Variants in NRXN3 observed in about 807,000 individuals in gnomAD.
NRXN3 encodes the protein neurexin III.
NRXN3 carries 32 observed loss-of-function variants against 137.6 expected under a neutral mutation model. The observed-to-expected ratio is 0.23, with a 90% CI of 0.18 to 0.31. The LOEUF is 0.31. Ranked by LOEUF, NRXN3 falls within the 10% of genes least tolerant of loss-of-function variation. The pLI, the probability that NRXN3 is intolerant of heterozygous loss-of-function variation, is 1.00. For missense variants in NRXN3, 1,574 were observed against 2,062.5 expected, an observed-to-expected ratio of 0.76 and a Z score of 4.59; for synonymous variants, 798 against 784.5, an observed-to-expected ratio of 1.02 and a Z score of -0.29.
chr14:79,362,677 C>T (rs1174970732), intron 15 of NRXN3, among the ~76,000 whole-genome samples: 13 of 152,246 alleles, frequency 8.5e-5, no homozygotes, highest in South Asian at 6.2e-4. Flanking sequence ...GATTATGTGA[C>T]GCAGATGCCA....
chr14:78,310,466 C>A (rs768245530), intron 4 of NRXN3, among the ~76,000 whole-genome samples: 28 of 151,872 alleles, frequency 1.8e-4, no homozygotes, highest in Admixed American at 1.8e-3. Flanking sequence ...ACACCATTTG[C>A]CTGGGGCTAT....
intron 20 of NRXN3, among the ~76,000 whole-genome samples, chr14:79,821,915 A>T (rs553190026): frequency 2.6e-4 from 39 of 152,038 alleles, no homozygotes; most frequent in African/African-American, 8.9e-4. Context: ...ATATATTAAG[A>T]TTTTTTTTAT....
intron 1 of NRXN3, among the ~76,000 whole-genome samples, chr14:78,182,087 TAG>T (rs773414677): frequency 7.6e-6 from 1 of 131,872 alleles, no homozygotes; most frequent in Admixed American, 8.0e-5. Context: ...CACTGAGAAT[TAG>T]AGAGACCTAA....
At chr14:78,347,208 G>C (rs2082863376) in intron 4 of NRXN3, among the ~76,000 whole-genome samples, 1 of 152,192 alleles carries the variant, frequency 6.6e-6, no homozygotes, top group South Asian at 2.1e-4. Flanking sequence ...ATGTTTTATG[G>C]GGACAATTTA....
intron 1 of NRXN3, among the ~76,000 whole-genome samples, chr14:78,189,266 G>T (rs117234099): frequency 0.013 from 1,919 of 152,242 alleles, 14 homozygotes; most frequent in Non-Finnish European, 0.021. Flanking sequence ...CTGTGCTCCT[G>T]CTCCCACTCT....
intron 15 of NRXN3, among the ~76,000 whole-genome samples, chr14:79,130,095 T>C (rs1370699080): frequency 1.3e-5 from 2 of 151,920 alleles, no homozygotes; most frequent in Non-Finnish European, 2.9e-5. Flanking sequence ...ATGGGTTTCC[T>C]GAATACAGCA....
chr14:78,337,987 G>A (rs1481194112), intron 4 of NRXN3, among the ~76,000 whole-genome samples: 1 of 152,130 alleles, frequency 6.6e-6, no homozygotes, highest in African/African-American at 2.4e-5. Flanking sequence ...AAGGTGGGCT[G>A]GAGGTACATG....
intron 20 of NRXN3, among the ~76,000 whole-genome samples, chr14:79,852,181 C>T (rs577405997): frequency 6.5e-4 from 96 of 146,694 alleles, no homozygotes; most frequent in Non-Finnish European, 1.0e-3. Context: ...ACTCATGAAC[C>T]CATATGTATT....
rs559683795 is a variant in NRXN3 at position 79,182,027 on chromosome 14, A to G, written c.3262+193886A>G. On this transcript the variant is annotated intron_variant, in intron 15 of 20. Transcript: ENST00000335750. ...TAAAAAGGAAAATATTATTTCCCTT[A>G]TATTTTAGTCTTTCTTCTTACTCCT... Among the ~76,000 whole-genome samples, 7 of 152,236 alleles carry G rather than the reference A, an allele frequency of 4.6e-5. No individual in the cohort carries two copies. In the South Asian group the frequency reaches 1.0e-3, roughly 23 times the overall value.
chr14:79,795,245 T>A (rs2099157678), intron 19 of NRXN3, among the ~76,000 whole-genome samples: 1 of 152,256 alleles, frequency 6.6e-6, no homozygotes, highest in African/African-American at 2.4e-5. Flanking sequence ...TTTGAATCAA[T>A]ATCTAAGATG....
intron 4 of NRXN3, among the ~76,000 whole-genome samples, chr14:78,440,820 A>AT (rs2153696096): frequency 6.6e-6 from 1 of 152,104 alleles, no homozygotes; most frequent in South Asian, 2.1e-4. Flanking sequence ...AAACTGAATG[A>AT]TTGTCTTAAA....
At chr14:78,965,760 C>A (rs1184305848) in intron 11 of NRXN3, among the ~76,000 whole-genome samples, 3 of 152,112 alleles carry the variant, frequency 2.0e-5, no homozygotes, top group Non-Finnish European at 4.4e-5. Context: ...ATAGTTTTAT[C>A]CTTTAGCCTG....
chr14:78,629,766 T>C (rs1211637854), intron 4 of NRXN3, among the ~76,000 whole-genome samples: 2 of 152,202 alleles, frequency 1.3e-5, no homozygotes, highest in Non-Finnish European at 2.9e-5. Flanking sequence ...TCTCAAAGAC[T>C]CTTCTGAATT....
At chr14:78,605,362 G>A (rs1249612206) in intron 4 of NRXN3, among the ~76,000 whole-genome samples, 1 of 152,174 alleles carries the variant, frequency 6.6e-6, no homozygotes, top group East Asian at 1.9e-4. Flanking sequence ...GATTCTGCTG[G>A]AAGTAAATGA....
intron 4 of NRXN3, among the ~76,000 whole-genome samples, chr14:78,499,415 C>T (rs2095845086): frequency 6.6e-6 from 1 of 152,162 alleles, no homozygotes; most frequent in East Asian, 1.9e-4. Context: ...ATAATCGGGG[C>T]CTCCCTTACC....
At chr14:78,542,906 G>A (rs778983982) in intron 4 of NRXN3, among the ~76,000 whole-genome samples, 2 of 152,144 alleles carry the variant, frequency 1.3e-5, no homozygotes, top group East Asian at 1.9e-4. Context: ...CTATGGGAAT[G>A]TCATCTGACT....
At chr14:79,050,218 G>A (rs1055166254) in intron 15 of NRXN3, among the ~76,000 whole-genome samples, 1 of 152,090 alleles carries the variant, frequency 6.6e-6, no homozygotes, top group Non-Finnish European at 1.5e-5. Context: ...TGAATTGATG[G>A]CCCTTTATAC....
intron 8 of NRXN3, among the ~76,000 whole-genome samples, chr14:78,737,241 G>A (rs1026744976): frequency 1.4e-4 from 22 of 152,144 alleles, no homozygotes; most frequent in African/African-American, 5.3e-4. Context: ...TAATTCCTCT[G>A]CTCGGGCTGT....
chr14:78,631,698 T>C (rs1489739462), intron 4 of NRXN3, among the ~76,000 whole-genome samples: 3 of 152,208 alleles, frequency 2.0e-5, no homozygotes, highest in Non-Finnish European at 4.4e-5. Context: ...GCACAATCCC[T>C]GAGCATATTT....
Sources: gnomAD v4.1 joint callset for allele counts (sites outside exome capture counted in the v4.1 genomes callset) on GRCh38, gnomAD v4.1.1 for gene constraint, MANE v1.5 for transcripts, NCBI Gene and HGNC (gene_info 2026-07-23, HGNC 2026-07-21) for gene names.